IMMP2L: variants seen among roughly 807,000 people sequenced by gnomAD.
The protein encoded by IMMP2L is mitochondrial inner membrane protease subunit 2.
IMMP2L carries 18 observed loss-of-function variants against 19.3 expected under a neutral mutation model. That is an observed-to-expected ratio of 0.93 (90% CI 0.64 to 1.38). The LOEUF (loss-of-function observed/expected upper bound fraction) is 1.38, where lower values mean the gene tolerates loss of function less well. Among genes scored for constraint, IMMP2L ranks in the 40% most tolerant of loss-of-function variants. IMMP2L has a pLI of 0.00. For missense variants in IMMP2L, 233 were observed against 218.2 expected (o/e 1.07, Z -0.43); for synonymous variants, 76 against 73.0 (o/e 1.04, Z -0.21).
At chr7:111,344,046 T>A (rs994014821) in intron 3 of IMMP2L, among the ~76,000 whole-genome samples, 1 of 152,096 alleles carries the variant, frequency 6.6e-6, no homozygotes, top group Non-Finnish European at 1.5e-5. Context: ...CTCACAGTAA[T>A]CCACTTCCCC....
intron 3 of IMMP2L, among the ~76,000 whole-genome samples, chr7:111,119,458 T>C (rs1449856776): frequency 6.6e-6 from 1 of 152,214 alleles, no homozygotes; most frequent in East Asian, 1.9e-4. Context: ...TCAATAAATG[T>C]TGACTGGATA....
At position 110,662,862 on chromosome 7, in the gene IMMP2L, A is replaced by G. The variant is rs1791182970; in HGVS notation, c.*740T>C. 2.0e-5 allele frequency among the ~76,000 whole-genome samples: 3 copies of G among 152,230 alleles called. No homozygotes were observed. Among genetic ancestry groups the G allele is most frequent in the East Asian group, 1.9e-4 (1 of 5,196 alleles). On this transcript the variant is annotated 3_prime_UTR_variant, in exon 6 of 6. Coordinates refer to ENST00000405709, the MANE Select transcript of IMMP2L (RefSeq NM_032549.4). ...TAAATGCGGATAAAGGGGTTTACCC[A>G]TCATTGTGAATAGGCATGAGATCAC...
chr7:110,859,049 C>A (rs561234891), intron 5 of IMMP2L, among the ~76,000 whole-genome samples: 1 of 152,014 alleles, frequency 6.6e-6, no homozygotes, highest in East Asian at 1.9e-4. Flanking sequence ...AACAGATAAG[C>A]AACTGGTTGA....
At chr7:110,784,933 C>T (rs917739393) in intron 5 of IMMP2L, among the ~76,000 whole-genome samples, 6 of 151,784 alleles carry the variant, frequency 4.0e-5, no homozygotes, top group Admixed American at 2.0e-4. Flanking sequence ...ATTATAATTC[C>T]ATGTTAAATG....
At chr7:111,397,861 AT>A (rs1435895002) in intron 3 of IMMP2L, among the ~76,000 whole-genome samples, 1 of 151,882 alleles carries the variant, frequency 6.6e-6, no homozygotes, top group Non-Finnish European at 1.5e-5. Context: ...AGAGACTTTC[AT>A]TTTGCATAAT....
At chr7:110,903,759 T>G (rs185288816) in intron 4 of IMMP2L, among the ~76,000 whole-genome samples, 1 of 151,978 alleles carries the variant, frequency 6.6e-6, no homozygotes, top group African/African-American at 2.4e-5. Flanking sequence ...CTGGATCATA[T>G]AGTAGCTCTG....
intron 3 of IMMP2L, among the ~76,000 whole-genome samples, chr7:111,116,743 G>A (rs543070945): frequency 6.6e-6 from 1 of 152,194 alleles, no homozygotes; most frequent in Admixed American, 6.5e-5. Context: ...TTTCATCTGA[G>A]TGAAACTTTA....
chr7:110,864,142 CAA>C (rs1807743742), intron 5 of IMMP2L, among the ~76,000 whole-genome samples: 1 of 152,038 alleles, frequency 6.6e-6, no homozygotes, highest in Non-Finnish European at 1.5e-5. Flanking sequence ...TTCCATGTTT[CAA>C]AAGTTTCTAA....
chr7:110,732,092 T>G (rs1796309510), intron 5 of IMMP2L, among the ~76,000 whole-genome samples: 1 of 152,120 alleles, frequency 6.6e-6, no homozygotes, highest in South Asian at 2.1e-4. Context: ...TTGGAGAAAC[T>G]GTACTGGGAG....
At chr7:111,323,676 A>G (rs1309226955) in intron 3 of IMMP2L, among the ~76,000 whole-genome samples, 1 of 152,158 alleles carries the variant, frequency 6.6e-6, no homozygotes, top group East Asian at 1.9e-4. Context: ...ATGCTTCTAT[A>G]AAGACACATC....
intron 3 of IMMP2L, among the ~76,000 whole-genome samples, chr7:111,412,321 AT>A (rs2131524861): frequency 6.6e-6 from 1 of 151,918 alleles, no homozygotes; most frequent in Non-Finnish European, 1.5e-5. Flanking sequence ...CCTATTTGAT[AT>A]TTACAGAACA....
At chr7:111,479,490 T>C (rs892876866) in intron 3 of IMMP2L, among the ~76,000 whole-genome samples, 1 of 152,150 alleles carries the variant, frequency 6.6e-6, no homozygotes, top group Non-Finnish European at 1.5e-5. Context: ...TTAAGATAAG[T>C]TGACACCCTT....
chr7:110,703,932 A>G (rs1214074439), intron 5 of IMMP2L, among the ~76,000 whole-genome samples: 7 of 150,408 alleles, frequency 4.7e-5, no homozygotes, highest in Non-Finnish European at 7.4e-5. Flanking sequence ...TGCAAGCTCC[A>G]CCTCCCGGGT....
At chr7:111,360,160 A>G (rs979671550) in intron 3 of IMMP2L, among the ~76,000 whole-genome samples, 8 of 152,174 alleles carry the variant, frequency 5.3e-5, no homozygotes, top group Non-Finnish European at 4.4e-5. Flanking sequence ...TACAAATCCA[A>G]AAGTAAGGGA....
intron 2 of IMMP2L, among the ~76,000 whole-genome samples, chr7:111,514,716 A>G (rs1845734838): frequency 6.6e-6 from 1 of 152,112 alleles, no homozygotes; most frequent in Non-Finnish European, 1.5e-5. Context: ...CCTAGAGCCA[A>G]CAATTATGGA....
chr7:111,283,606 A>T (rs1820141302), intron 3 of IMMP2L, among the ~76,000 whole-genome samples: 1 of 152,118 alleles, frequency 6.6e-6, no homozygotes, highest in African/African-American at 2.4e-5. Flanking sequence ...CCAGATTGTT[A>T]ATAAACAAGA....
intron 5 of IMMP2L, among the ~76,000 whole-genome samples, chr7:110,802,717 G>T (rs1801348070): frequency 6.6e-6 from 1 of 151,906 alleles, no homozygotes; most frequent in South Asian, 2.1e-4. Flanking sequence ...TCTCTTTAAA[G>T]CACAACTATA....
intron 5 of IMMP2L, among the ~76,000 whole-genome samples, chr7:110,865,497 T>C (rs754824529): frequency 5.3e-5 from 8 of 152,124 alleles, no homozygotes; most frequent in Non-Finnish European, 8.8e-5. Flanking sequence ...ATGGCTGATA[T>C]ATTTTTACCT....
chr7:111,479,649 T>C (rs1169388875), intron 3 of IMMP2L, among the ~76,000 whole-genome samples: 1 of 152,148 alleles, frequency 6.6e-6, no homozygotes, highest in East Asian at 1.9e-4. Flanking sequence ...ACTCCTTACA[T>C]ATAATATTTA....
Sources: allele counts gnomAD v4.1 joint callset (sites outside exome capture counted in the v4.1 genomes callset), GRCh38; gene constraint gnomAD v4.1.1; transcripts MANE v1.5; gene names NCBI Gene and HGNC (gene_info 2026-07-23, HGNC 2026-07-21).